The following LRBA variants were observed in gnomAD, a reference collection of about 807,000 sequenced individuals.
The protein encoded by LRBA is LPS responsive beige-like anchor protein, also known as lipopolysaccharide-responsive and beige-like anchor protein.
In LRBA, 176 loss-of-function variants were observed where a neutral mutation model predicts 330.0. That is an observed-to-expected ratio of 0.53 (90% confidence interval 0.47 to 0.60). The LOEUF (loss-of-function observed/expected upper bound fraction) is 0.60, where lower values mean the gene tolerates loss of function less well. LRBA is among the 20% of genes least tolerant of loss of function. The pLI, the probability that LRBA is intolerant of heterozygous loss-of-function variation, is 0.00. For missense variants in LRBA, 3,259 were observed against 3,444.8 expected, an observed-to-expected ratio of 0.95 and a Z score of 1.35; for synonymous variants, 1,230 against 1,193.0, an observed-to-expected ratio of 1.03 and a Z score of -0.64.
At chr4:150,430,028 A>C (rs1291606138) in intron 46 of LRBA, among the ~76,000 whole-genome samples, 1 of 152,178 alleles carries the variant, frequency 6.6e-6, no homozygotes, top group Non-Finnish European at 1.5e-5. Context: ...CTAAATATCT[A>C]TGACCTAACA....
At chr4:150,333,920 G>C (rs982689911) in intron 48 of LRBA, among the ~76,000 whole-genome samples, 1 of 152,032 alleles carries the variant, frequency 6.6e-6, no homozygotes, top group Non-Finnish European at 1.5e-5. Flanking sequence ...GGTAAAAATG[G>C]GATGAAAATC....
At chr4:150,431,467 G>T (rs185486756) in intron 46 of LRBA, among the ~76,000 whole-genome samples, 2 of 152,226 alleles carry the variant, frequency 1.3e-5, no homozygotes, top group East Asian at 3.9e-4. Flanking sequence ...GCCACAAATG[G>T]CTATTGAACA....
chr4:150,428,512 G>T (rs7689850), intron 46 of LRBA, among the ~76,000 whole-genome samples: 130,828 of 152,002 alleles, frequency 0.86, 57,356 homozygotes, highest in Non-Finnish European at 0.96. Flanking sequence ...ATTTGAGTTT[G>T]GCTGTGCCCT....
chr4:150,639,832 T>G (rs1479378228), intron 37 of LRBA, among the ~76,000 whole-genome samples: 1 of 19,922 alleles, frequency 5.0e-5, no homozygotes, highest in South Asian at 2.3e-3. Flanking sequence ...TATATATATA[T>G]ATATATATAT....
chr4:151,011,284 T>C (rs145765385), intron 2 of LRBA, among the ~76,000 whole-genome samples: 1 of 152,180 alleles, frequency 6.6e-6, no homozygotes, highest in East Asian at 1.9e-4. Context: ...ATTTTAACAG[T>C]ATAAACTTTA....
intron 11 of LRBA, among the ~76,000 whole-genome samples, chr4:150,907,981 T>G (rs1416385717): frequency 6.6e-6 from 1 of 152,126 alleles, no homozygotes; most frequent in East Asian, 1.9e-4. Flanking sequence ...ACCAAATAAT[T>G]TTAAATATTT....
chr4:150,516,691 T>C (rs1315707164), intron 40 of LRBA, among the ~76,000 whole-genome samples: 1 of 130,660 alleles, frequency 7.7e-6, no homozygotes, highest in Middle Eastern at 4.0e-3. Context: ...AAATAATTTA[T>C]ACCCCAGAAA....
chr4:150,871,545 T>G, intron 18 of LRBA, 92 bp from the exon 19 acceptor site: 1 of 734,532 alleles, frequency 1.4e-6, no homozygotes, highest in African/African-American at 1.7e-5. Context: ...AAAATACTTT[T>G]TCACATTACA....
chr4:150,531,713 T>C (rs547253671), intron 40 of LRBA, among the ~76,000 whole-genome samples: 1 of 152,334 alleles, frequency 6.6e-6, no homozygotes, highest in Admixed American at 6.5e-5. Context: ...ATTTTGGTTT[T>C]CTGAAATAAT....
intron 40 of LRBA, among the ~76,000 whole-genome samples, chr4:150,524,570 C>T (rs1224147598): frequency 6.6e-6 from 1 of 152,156 alleles, no homozygotes; most frequent in Non-Finnish European, 1.5e-5. Flanking sequence ...AGTTATCTAT[C>T]ATGGGATCTT....
chr4:150,304,777 C>A (rs189143689), intron 52 of LRBA, among the ~76,000 whole-genome samples: 1 of 152,004 alleles, frequency 6.6e-6, no homozygotes, highest in Non-Finnish European at 1.5e-5. Flanking sequence ...GGTAAACTGG[C>A]GGGGATCAGA....
chr4:150,421,484 C>G (rs1468415650), intron 46 of LRBA, among the ~76,000 whole-genome samples: 1 of 151,276 alleles, frequency 6.6e-6, no homozygotes, highest in Non-Finnish European at 1.5e-5. Context: ...TGATTTAAAC[C>G]TTAGGTAGAA....
chr4:150,836,393 C>T (rs1408259961), intron 28 of LRBA, among the ~76,000 whole-genome samples: 3 of 152,158 alleles, frequency 2.0e-5, no homozygotes, highest in African/African-American at 4.8e-5. Flanking sequence ...CTCCTCCTTG[C>T]ACCTCGGGTG....
At chr4:150,429,256 TGAAGAATGAGTTCTTA>T (rs555107987) in intron 46 of LRBA, among the ~76,000 whole-genome samples, 26 of 152,002 alleles carry the variant, frequency 1.7e-4, no homozygotes, top group African/African-American at 6.0e-4. Context: ...CTGAAAGGCA[TGAAGAATGAGTTCTTA>T]AAGATAACTA....
At chr4:150,761,937 T>G (rs1246311929) in intron 34 of LRBA, 90 bp from the exon 35 acceptor site, 5 of 699,366 alleles carry the variant, frequency 7.1e-6, no homozygotes, top group African/African-American at 5.6e-5. Context: ...ATCACCCATA[T>G]CAATTTCATG....
intron 40 of LRBA, among the ~76,000 whole-genome samples, chr4:150,502,649 T>C (rs1441518315): frequency 6.6e-6 from 1 of 152,260 alleles, no homozygotes; most frequent in Non-Finnish European, 1.5e-5. Context: ...GGGTGATTTC[T>C]GCATTTCCAA....
intron 27 of LRBA, among the ~76,000 whole-genome samples, 175 bp from the exon 28 acceptor site, chr4:150,844,382 T>C (rs1749544127): frequency 6.6e-6 from 1 of 151,748 alleles, no homozygotes. Flanking sequence ...GGGAGAGAGG[T>C]GGAGAAAGAT....
Position 150,806,263 on chromosome 4 carries a change from C to G in LRBA, c.5518+8G>C, listed in dbSNP as rs770466773. 1.9e-6 allele frequency: 3 copies of G among 1,542,566 alleles called. No homozygotes were observed. The highest frequency in any genetic ancestry group is 2.6e-6 in the Non-Finnish European group (3 of 1,149,488). ...TACATACAAATAAAATAAAGAAAAA[C>G]CACTTACTTGTTCCTTCTATAAGCA... On this transcript the variant is annotated splice_region_variant and intron_variant, in intron 33 of 56. Coordinates refer to ENST00000651943, the MANE Select transcript of LRBA (RefSeq NM_001364905.1).
intron 37 of LRBA, among the ~76,000 whole-genome samples, chr4:150,647,738 G>T (rs535802587): frequency 1.1e-4 from 17 of 152,114 alleles, no homozygotes; most frequent in Middle Eastern, 3.4e-3. Flanking sequence ...CCTTAAAGAT[G>T]TGATGCTGAA....
Sources: gnomAD v4.1 joint callset for allele counts (sites outside exome capture counted in the v4.1 genomes callset) on GRCh38, gnomAD v4.1.1 for gene constraint, MANE v1.5 for transcripts, NCBI Gene and HGNC (gene_info 2026-07-23, HGNC 2026-07-21) for gene names.